Variants in SORCS2 observed in about 807,000 individuals in gnomAD.
SORCS2 encodes the protein VPS10 domain-containing receptor SorCS2.
SORCS2 carries 100 observed loss-of-function variants against 141.6 expected under a neutral mutation model. The ratio of observed to expected loss-of-function variants is 0.71; its 90% CI spans 0.60 to 0.83. The LOEUF (loss-of-function observed/expected upper bound fraction) is 0.83, where lower values mean the gene tolerates loss of function less well. Ranked by LOEUF, SORCS2 falls within the 40% of genes least tolerant of loss-of-function variation. The probability of loss-of-function intolerance (pLI) is 0.00; values close to 1 mark genes in which losing one functional copy is unlikely to be tolerated. For missense variants in SORCS2, 1,646 were observed against 1,560.2 expected, an observed-to-expected ratio of 1.05 and a Z score of -0.93; for synonymous variants, 789 against 676.9, an observed-to-expected ratio of 1.17 and a Z score of -2.57.
At chr4:7,333,213 G>A (rs1719769203) in intron 1 of SORCS2, among the ~76,000 whole-genome samples, 1 of 152,202 alleles carries the variant, frequency 6.6e-6, no homozygotes, top group Non-Finnish European at 1.5e-5. Flanking sequence ...CGGAGGAGCA[G>A]CCAAGGCAGA....
chr4:7,325,658 C>T (rs75013157), intron 1 of SORCS2, among the ~76,000 whole-genome samples: 9,592 of 152,252 alleles, frequency 0.063, 363 homozygotes, highest in Middle Eastern at 0.16. Flanking sequence ...GGGACATGCA[C>T]GGCGCTCTGG....
chr4:7,684,013 G>A (rs1003917), intron 10 of SORCS2, among the ~76,000 whole-genome samples: 44,989 of 151,984 alleles, frequency 0.3, 7,231 homozygotes, highest in African/African-American at 0.42. Flanking sequence ...AGGAAGAGGC[G>A]AAATGGGCCA....
At chr4:7,593,839 C>T (rs1717078160) in intron 3 of SORCS2, among the ~76,000 whole-genome samples, 1 of 152,180 alleles carries the variant, frequency 6.6e-6, no homozygotes, top group Non-Finnish European at 1.5e-5. Flanking sequence ...CTCATCAACT[C>T]CGGCGATACC....
chr4:7,482,909 C>T (rs1306363450), intron 2 of SORCS2, among the ~76,000 whole-genome samples: 3 of 152,220 alleles, frequency 2.0e-5, no homozygotes, highest in Non-Finnish European at 2.9e-5. Context: ...CTGAAATTCA[C>T]ACCACTCAGA....
intron 2 of SORCS2, among the ~76,000 whole-genome samples, chr4:7,421,650 G>A (rs1211558503): frequency 2.6e-5 from 4 of 152,142 alleles, no homozygotes; most frequent in Non-Finnish European, 2.9e-5. Flanking sequence ...GCCACAGCCT[G>A]GCCTCCCTCT....
At chr4:7,305,301 G>A (rs1327078431) in intron 1 of SORCS2, among the ~76,000 whole-genome samples, 5 of 151,646 alleles carry the variant, frequency 3.3e-5, no homozygotes, top group East Asian at 1.9e-4. Context: ...AAAGTGCTGG[G>A]ATCACAGGCG....
chr4:7,517,432 C>T (rs1263507373), intron 2 of SORCS2, among the ~76,000 whole-genome samples: 1 of 152,146 alleles, frequency 6.6e-6, no homozygotes, highest in South Asian at 2.1e-4. Flanking sequence ...ATGGCTCTGA[C>T]CTCATCTACT....
chr4:7,365,871 C>G (rs1342677177), intron 1 of SORCS2, among the ~76,000 whole-genome samples: 1 of 152,228 alleles, frequency 6.6e-6, no homozygotes, highest in African/African-American at 2.4e-5. Context: ...CGCCATCTGT[C>G]TTACTTGGCA....
intron 9 of SORCS2, among the ~76,000 whole-genome samples, chr4:7,678,542 G>A (rs28501396): frequency 0.031 from 4,461 of 146,218 alleles, 204 homozygotes; most frequent in African/African-American, 0.1. Flanking sequence ...GCACAGGGGC[G>A]GTTGGCCGGC....
chr4:7,581,139 A>G (rs1338474099), intron 3 of SORCS2, among the ~76,000 whole-genome samples: 1 of 147,730 alleles, frequency 6.8e-6, no homozygotes, highest in Non-Finnish European at 1.5e-5. Flanking sequence ...AAACCTGCAT[A>G]TGTCCTTAAT....
At chr4:7,451,424 T>C (rs1728459659) in intron 2 of SORCS2, among the ~76,000 whole-genome samples, 1 of 152,226 alleles carries the variant, frequency 6.6e-6, no homozygotes, top group Non-Finnish European at 1.5e-5. Flanking sequence ...TCCACCCTCT[T>C]AGCAGCTGGC....
chr4:7,557,300 C>A (rs1343577961), intron 3 of SORCS2, among the ~76,000 whole-genome samples: 1 of 152,124 alleles, frequency 6.6e-6, no homozygotes, highest in Non-Finnish European at 1.5e-5. Flanking sequence ...TGGCTGGGGG[C>A]ACGGGCAGAT....
intron 2 of SORCS2, among the ~76,000 whole-genome samples, chr4:7,496,195 C>G (rs1379263071): frequency 6.6e-6 from 1 of 152,196 alleles, no homozygotes; most frequent in Non-Finnish European, 1.5e-5. Flanking sequence ...AGCAACCTGA[C>G]TCCCTGTCTA....
chr4:7,372,413 T>C (rs1034342191), intron 1 of SORCS2, among the ~76,000 whole-genome samples: 10 of 152,210 alleles, frequency 6.6e-5, no homozygotes, highest in Middle Eastern at 3.4e-3. Flanking sequence ...TTTAAGGGAT[T>C]CTCCTGCCTC....
At position 7,718,045 on chromosome 4, in the gene SORCS2, T is replaced by G. The variant is rs753851483; in HGVS notation, c.2286T>G (p.Gly762=). 5.0e-6 allele frequency: 8 copies of G among 1,607,926 alleles called. No individual in the cohort carries two copies. Among genetic ancestry groups the G allele is most frequent in the Non-Finnish European group, 6.8e-6 (8 of 1,177,226 alleles). Residue 762 remains glycine (G), a synonymous_variant, in exon 18 of 27, where the codon GGT becomes GGG. Transcript: ENST00000507866. ...AAGTGGTGTCCAACGTGTGTGAGGG[T>G]GGGGTGGACATGCAGCAGAGTCAGG... ...YRKVVSNVCE[G]GVDMQQSQVQ...
chr4:7,612,740 C>A (rs142175039), intron 3 of SORCS2, among the ~76,000 whole-genome samples: 2 of 152,330 alleles, frequency 1.3e-5, no homozygotes, highest in South Asian at 4.1e-4. Flanking sequence ...AATTCCAATC[C>A]ATGCACACTC....
chr4:7,568,424 C>T (rs960959499), intron 3 of SORCS2, among the ~76,000 whole-genome samples: 1 of 152,120 alleles, frequency 6.6e-6, no homozygotes, highest in Non-Finnish European at 1.5e-5. Flanking sequence ...TTCTTTCATT[C>T]TTCACCACTG....
chr4:7,272,059 GT>G, intron 1 of SORCS2, among the ~76,000 whole-genome samples: 1 of 152,320 alleles, frequency 6.6e-6, no homozygotes. Context: ...CGTGGATGGG[GT>G]TTCCAATGGG....
At chr4:7,357,743 G>A (rs183191783) in intron 1 of SORCS2, among the ~76,000 whole-genome samples, 83 of 152,220 alleles carry the variant, frequency 5.5e-4, no homozygotes, top group Non-Finnish European at 1.1e-3. Flanking sequence ...TCACCCACTC[G>A]GGGCCTGGCT....
Sources: allele counts gnomAD v4.1 joint callset (sites outside exome capture counted in the v4.1 genomes callset), GRCh38; gene constraint gnomAD v4.1.1; transcripts MANE v1.5; gene names NCBI Gene and HGNC (gene_info 2026-07-23, HGNC 2026-07-21).